Variants in EPB41L4B observed in about 807,000 individuals in gnomAD.
EPB41L4B encodes the protein erythrocyte membrane protein band 4.1 like 4B, also known as band 4.1-like protein 4B.
A neutral mutation model predicts 112.5 loss-of-function variants in EPB41L4B; 30 were observed. That is an observed-to-expected ratio of 0.27 (90% CI 0.20 to 0.36). EPB41L4B has a LOEUF of 0.36. Ranked by LOEUF, EPB41L4B falls within the 10% of genes least tolerant of loss-of-function variation. The probability of loss-of-function intolerance (pLI) is 1.00; values close to 1 mark genes in which losing one functional copy is unlikely to be tolerated. For synonymous variants in EPB41L4B, 408 were observed against 439.7 expected (o/e 0.93, Z 0.90); for missense variants, 1,024 against 1,133.3 (o/e 0.90, Z 1.38).
rs199615070 is a variant in EPB41L4B, at chr9:109,176,632, G to A, written c.2552C>T (p.Ala851Val). ...PGPTSPLIPA[A>V]TLRPLTETVS... is the part of the protein sequence containing the mutation. ...GGTCTCTGTCAAAGGCCTCAGGGTC[G>A]CTGCTGGGATCAGCGGGGAAGTCGG... The change falls in exon 25 of 26, where the codon GCG (alanine) becomes GTG (valine). Residue 851 changes from alanine (A) to valine (V), a missense_variant. Physicochemically the swap from Ala to Val is moderately conservative, Grantham distance 64 (BLOSUM62 0). Coordinates refer to ENST00000374566, the MANE Select transcript of EPB41L4B (RefSeq NM_019114.5). The A allele has an allele frequency of 9.6e-5, 155 of 1,614,002 alleles. No homozygotes were observed. In the African/African-American group the frequency reaches 1.7e-3, roughly 18 times the overall value.
intron 2 of EPB41L4B, among the ~76,000 whole-genome samples, chr9:109,278,187 C>G (rs1195013999): frequency 6.6e-6 from 1 of 151,942 alleles, no homozygotes; most frequent in Non-Finnish European, 1.5e-5. Context: ...CTCCCGGGTC[C>G]GGTGGACGGA....
In EPB41L4B at chr9:109,172,281, G is replaced by A. The variant is rs757392180; in HGVS notation, c.*2273C>T. The A allele has an allele frequency of 1.3e-5, 2 of 152,292 alleles. No individual in the cohort carries two copies. Among genetic ancestry groups the A allele is most frequent in the South Asian group, 2.1e-4 (1 of 4,822 alleles). 9.4% of individuals were successfully genotyped at this position (152,292 alleles called of 1,614,324 possible). On this transcript the variant is annotated 3_prime_UTR_variant, in exon 26 of 26. Coordinates refer to ENST00000374566, the MANE Select transcript of EPB41L4B (RefSeq NM_019114.5). ...CTTTGCCCTGGAGGTTTCCATCAGC[G>A]AGCAGGAGGTGAAGAGCAGAAGCCT...
chr9:109,235,414 T>TA (rs1834105241), intron 15 of EPB41L4B, among the ~76,000 whole-genome samples: 1 of 136,000 alleles, frequency 7.4e-6, no homozygotes, highest in Non-Finnish European at 1.6e-5. Flanking sequence ...TTTTTTTTTT[T>TA]AGATAGAGTC....
chr9:109,203,162 A>G (rs1181259463), intron 19 of EPB41L4B, among the ~76,000 whole-genome samples: 8 of 152,218 alleles, frequency 5.3e-5, no homozygotes, highest in Admixed American at 1.3e-4. Context: ...TTAAAAAATA[A>G]TAATTAAATA....
chr9:109,201,749 T>C (rs1248802822), intron 19 of EPB41L4B, among the ~76,000 whole-genome samples: 3 of 151,800 alleles, frequency 2.0e-5, no homozygotes, highest in African/African-American at 4.8e-5. Flanking sequence ...AGAACTACCA[T>C]CCGGTGAGGT....
intron 12 of EPB41L4B, among the ~76,000 whole-genome samples, chr9:109,251,925 G>A (rs1294641972): frequency 6.6e-6 from 1 of 152,266 alleles, no homozygotes. Context: ...CATGGACAGA[G>A]CCCTGGGAAT....
chr9:109,236,258 G>A (rs887728945), intron 15 of EPB41L4B, among the ~76,000 whole-genome samples: 4 of 152,080 alleles, frequency 2.6e-5, no homozygotes, highest in African/African-American at 9.7e-5. Flanking sequence ...GATTGCAGGG[G>A]GCCAGTTAAT....
rs147506573 is a variant in EPB41L4B, at chr9:109,265,136, A to G, written c.534-112T>C. ...CACACAGCATGGAGTTTTGCATTGT[A>G]AAAAAGGAGTCCAAATCAAATGAGA... is the stretch of plus-strand genomic sequence containing the variant. On this transcript the variant is annotated intron_variant, in intron 4 of 25. Coordinates refer to ENST00000374566, the MANE Select transcript of EPB41L4B (RefSeq NM_019114.5). The G allele has an allele frequency of 4.4e-5, 36 of 823,684 alleles. No homozygotes were observed. The African/African-American group carries it at 5.3e-4, about 12-fold the overall frequency. The allele number at this position is 823,684 out of a possible 1,614,324, so 51.0% of individuals were successfully genotyped here.
At chr9:109,311,969 G>C (rs568802372) in intron 1 of EPB41L4B, among the ~76,000 whole-genome samples, 13 of 152,282 alleles carry the variant, frequency 8.5e-5, no homozygotes, top group African/African-American at 2.9e-4. Context: ...GCTGCCTGAC[G>C]CGTAAGTGAT....
At chr9:109,179,170 A>G (rs761904842) in intron 24 of EPB41L4B, among the ~76,000 whole-genome samples, 1 of 152,222 alleles carries the variant, frequency 6.6e-6, no homozygotes, top group Non-Finnish European at 1.5e-5. Context: ...TCGGCTGAGT[A>G]TGAGCAGAGA....
chr9:109,288,722 CAAAAAAAA>C (rs386415824), intron 1 of EPB41L4B, among the ~76,000 whole-genome samples: 6 of 23,034 alleles, frequency 2.6e-4, no homozygotes, highest in African/African-American at 4.5e-4. Context: ...GACTCCGTCT[CAAAAAAAA>C]AAAAAAAAAA....
intron 1 of EPB41L4B, among the ~76,000 whole-genome samples, chr9:109,292,059 T>C (rs1836555475): frequency 6.6e-6 from 1 of 152,216 alleles, no homozygotes; most frequent in African/African-American, 2.4e-5. Context: ...GAGGACTGTG[T>C]GACCCCACTG....
intron 15 of EPB41L4B, among the ~76,000 whole-genome samples, chr9:109,218,130 T>TTTTC (rs1833447561): frequency 7.9e-6 from 1 of 126,074 alleles, no homozygotes; most frequent in African/African-American, 3.0e-5. Flanking sequence ...ATAATTCTTT[T>TTTTC]TTTTTTTTTT....
chr9:109,207,489 T>C (rs10156418), intron 18 of EPB41L4B, among the ~76,000 whole-genome samples: 56,967 of 151,936 alleles, frequency 0.37, 11,165 homozygotes, highest in Middle Eastern at 0.45. Context: ...GGAGGATTGA[T>C]TGAGGCTGTG....
At chr9:109,281,044 T>C (rs899977247) in intron 1 of EPB41L4B, among the ~76,000 whole-genome samples, 1 of 151,762 alleles carries the variant, frequency 6.6e-6, no homozygotes, top group Non-Finnish European at 1.5e-5. Flanking sequence ...TGACTTTGAG[T>C]TGGACAATGA....
chr9:109,200,767 C>CTA (rs1832796021), intron 19 of EPB41L4B, among the ~76,000 whole-genome samples: 1 of 151,404 alleles, frequency 6.6e-6, no homozygotes, highest in Non-Finnish European at 1.5e-5. Context: ...ATAGCACAGA[C>CTA]TATATTTTTT....
chr9:109,190,303 G>T (rs1832416582), intron 22 of EPB41L4B, among the ~76,000 whole-genome samples: 2 of 152,174 alleles, frequency 1.3e-5, no homozygotes, highest in Non-Finnish European at 2.9e-5. Flanking sequence ...ACCAAGGAGG[G>T]GTAATTCACT....
chr9:109,292,287 A>G (rs977913546), intron 1 of EPB41L4B, among the ~76,000 whole-genome samples: 1 of 152,206 alleles, frequency 6.6e-6, no homozygotes, highest in African/African-American at 2.4e-5. Context: ...GGTTTCACCC[A>G]TCACTTTTTC....
rs555846521 is a variant in EPB41L4B at position 109,247,173 on chromosome 9, GTT to G, written c.1344+581_1344+582del. 4.0e-4 allele frequency among the ~76,000 whole-genome samples: 52 copies of G among 129,126 alleles called. 1 individual carries two copies. Among genetic ancestry groups the G allele is most frequent in the African/African-American group, 1.1e-3 (38 of 35,316 alleles). The allele number at this position is 129,126 out of a possible 152,430, so 84.7% of individuals were successfully genotyped here. A position where few individuals can be genotyped will look rare whatever the true frequency, so the allele number is the denominator to read the frequency against. ...ACACCACCGTGCCAGCTCAAGACTA[GTT>G]TTTTTTTTTTTTTTTTTAATCAGGG... On this transcript the variant is annotated intron_variant, in intron 14 of 25. Transcript: ENST00000374566.
Sources: allele counts gnomAD v4.1 joint callset (sites outside exome capture counted in the v4.1 genomes callset), GRCh38; gene constraint gnomAD v4.1.1; transcripts MANE v1.5; gene names NCBI Gene and HGNC (gene_info 2026-07-23, HGNC 2026-07-21).